The following PPP5C variants were observed in gnomAD, a reference collection of about 807,000 sequenced individuals.
PPP5C encodes the protein protein phosphatase 5 catalytic subunit, also known as serine/threonine-protein phosphatase 5.
Under a neutral mutation model 66.7 loss-of-function variants are expected in PPP5C, and 21 were observed. That is an observed-to-expected ratio of 0.31 (90% confidence interval 0.22 to 0.45). The LOEUF is 0.45. Ranked by LOEUF, PPP5C falls within the 20% of genes least tolerant of loss-of-function variation. The pLI is 1.00. For synonymous variants in PPP5C, 246 were observed against 257.4 expected (o/e 0.96, Z 0.43); for missense variants, 464 against 675.9 (o/e 0.69, Z 3.48).
Position 46,387,104 on chromosome 19 carries a change from A to ACGT in PPP5C, c.917_918insGTC (p.Thr306_Asp307insSer). The stretch of plus-strand genomic sequence containing the variant: ...CCCGTGTTGGCCAGGCAACCACGAG[A>ACGT]CAGACAACATGAACCAGATCTACGG... On this transcript the variant is annotated inframe_insertion, in exon 8 of 13. Transcript: ENST00000012443. 6.2e-7 allele frequency: 1 copy of ACGT among 1,614,268 alleles called. No individual in the cohort carries two copies. Among genetic ancestry groups the ACGT allele is most frequent in the Non-Finnish European group, 8.5e-7 (1 of 1,180,054 alleles).
intron 11 of PPP5C, among the ~76,000 whole-genome samples, chr19:46,389,458 CACAG>C (rs1568580006): frequency 1.5e-5 from 2 of 130,536 alleles, no homozygotes; most frequent in African/African-American, 6.7e-5. Flanking sequence ...CACACACACA[CACAG>C]TGTTGATCCC....
At chr19:46,349,365 A>G (rs1343480686) in intron 1 of PPP5C, among the ~76,000 whole-genome samples, 2 of 152,042 alleles carry the variant, frequency 1.3e-5, no homozygotes, top group African/African-American at 2.4e-5. Flanking sequence ...GTAGAGTCCA[A>G]TAGAGATGGA....
intron 2 of PPP5C, among the ~76,000 whole-genome samples, chr19:46,358,115 G>C (rs1456968439): frequency 7.2e-5 from 11 of 152,146 alleles, no homozygotes; most frequent in African/African-American, 2.7e-4. Flanking sequence ...AGATTCCAAA[G>C]ATTTTAGGAG....
intron 2 of PPP5C, among the ~76,000 whole-genome samples, chr19:46,358,037 C>T (rs565690791): frequency 6.6e-6 from 1 of 152,198 alleles, no homozygotes; most frequent in Non-Finnish European, 1.5e-5. Flanking sequence ...AGCCCCCATC[C>T]TGAAGCTACA....
At chr19:46,359,440 G>T (rs1297725806) in intron 2 of PPP5C, among the ~76,000 whole-genome samples, 2 of 152,194 alleles carry the variant, frequency 1.3e-5, no homozygotes, top group African/African-American at 2.4e-5. Context: ...TAGGGAGCCA[G>T]CTAAAAACAT....
In PPP5C at chr19:46,390,750, C is replaced by T. The variant is rs757446650; in HGVS notation, c.*404C>T. On this transcript the variant is annotated 3_prime_UTR_variant, in exon 13 of 13. Transcript: ENST00000012443. ...CAGGGGGGCCCCGCCTGCGCCTCCC[C>T]TCCTATAGCCCCATGGTGGGGCTAG... 581 of 1,133,826 alleles carry T rather than the reference C, an allele frequency of 5.1e-4. No homozygotes were observed. Among genetic ancestry groups the T allele is most frequent in the Non-Finnish European group, 5.9e-4 (535 of 914,264 alleles). 70.2% of individuals were successfully genotyped at this position (1,133,826 alleles called of 1,614,324 possible).
rs8106745 is a variant in PPP5C, at chr19:46,388,911, T to C, written c.1355+180T>C. On this transcript the variant is annotated intron_variant, in intron 11 of 12. Transcript: ENST00000012443. This position sits in a 1 kb window ranked among gnomAD's most constrained non-coding sequence, Gnocchi z 4.9. ...AGCACCAGTGGGGCCAGCCTGTGAG[T>C]GCTGACCAGCTGCCCTGTGTTACAG... 0.75 allele frequency among the ~76,000 whole-genome samples: 113,605 copies of C among 152,086 alleles called. 42,831 individuals are homozygous for C. The highest frequency in any genetic ancestry group is 0.85 in the South Asian group (4,093 of 4,814).
intron 7 of PPP5C, among the ~76,000 whole-genome samples, chr19:46,385,786 A>AG: frequency 6.6e-6 from 1 of 151,782 alleles, no homozygotes; most frequent in East Asian, 1.9e-4. Flanking sequence ...TCTAAAAAAA[A>AG]AAAAAAAAGC....
Position 46,390,393 on chromosome 19 carries a change from C to G in PPP5C, c.*47C>G. 2.6e-6 allele frequency: 4 copies of G among 1,551,874 alleles called. No individual in the cohort carries two copies. The highest frequency in any genetic ancestry group is 3.5e-6 in the Non-Finnish European group (4 of 1,147,602). On this transcript the variant is annotated 3_prime_UTR_variant, in exon 13 of 13. Transcript: ENST00000012443. ...CATCCCAGGGCCCCTCCAATCCCAC[C>G]GGACCCAGGCCCTGGGCTAGGGGCA...
chr19:46,390,859 C>G lies in PPP5C; in HGVS notation c.*513C>G. 1 of 1,139,486 alleles carries G rather than the reference C, an allele frequency of 8.8e-7. No homozygotes were observed. Among genetic ancestry groups the G allele is most frequent in the Non-Finnish European group, 1.1e-6 (1 of 913,546 alleles). 70.6% of individuals were successfully genotyped at this position (1,139,486 alleles called of 1,614,324 possible). A position where few individuals can be genotyped will look rare whatever the true frequency, so the allele number is the denominator to read the frequency against. The stretch of plus-strand genomic sequence containing the variant: ...AAGTCATTATCGGAAGTCAGCTTGT[C>G]TCTGGATGGTGGAGCCGAAGGAGCT... On this transcript the variant is annotated 3_prime_UTR_variant, in exon 13 of 13. Coordinates refer to ENST00000012443, the MANE Select transcript of PPP5C (RefSeq NM_006247.4).
chr19:46,389,922 C>T (rs1374180104), intron 11 of PPP5C, 129 bp from the exon 12 acceptor site: 7 of 760,614 alleles, frequency 9.2e-6, no homozygotes, highest in East Asian at 7.8e-5. Flanking sequence ...GTCTCTCTGT[C>T]CATCTGTGTC....
At position 46,378,473 on chromosome 19, in the gene PPP5C, AGATG is replaced by A. The variant is rs1437711114; in HGVS notation, c.633+1901_633+1904del. Among the ~76,000 whole-genome samples the A allele has an allele frequency of 1.8e-4, 27 of 152,354 alleles. No homozygotes were observed. The South Asian group carries it at 5.4e-3, about 30-fold the overall frequency. ...GGCTCTATAAATGTCAATTAGTTCA[AGATG>A]GTTGAGACTGCTGTTAAAAATCTTT... On this transcript the variant is annotated intron_variant, in intron 4 of 12. Transcript: ENST00000012443.
Position 46,383,083 on chromosome 19 carries a change from G to A in PPP5C, c.634-328G>A, listed in dbSNP as rs1258113907. On this transcript the variant is annotated intron_variant, in intron 4 of 12. Transcript: ENST00000012443. This position sits in a 1 kb window ranked among gnomAD's most constrained non-coding sequence, Gnocchi z 5.0. ...TTTTATGACAGTGACATTGCGCTGT[G>A]TCCAGGCCAGTTCTTTTATAAAATG... is the stretch of plus-strand genomic sequence containing the variant. 1 of 1,166,866 alleles carries A rather than the reference G, an allele frequency of 8.6e-7. No homozygotes were observed. The highest frequency in any genetic ancestry group is 1.6e-5 in the African/African-American group (1 of 62,852). The allele number at this position is 1,166,866 out of a possible 1,614,324, so 72.3% of individuals were successfully genotyped here.
In PPP5C at chr19:46,390,714, G is replaced by A. The variant is rs1973006616; in HGVS notation, c.*368G>A. On this transcript the variant is annotated 3_prime_UTR_variant, in exon 13 of 13. Transcript: ENST00000012443. ...GCCCCGCCATAGGAAGACCCCCAGAGAGAGGGTCAGCAGGGGGGCCCCGCC... is the reference window on the plus strand; with the variant it reads ...GCCCCGCCATAGGAAGACCCCCAGAAAGAGGGTCAGCAGGGGGGCCCCGCC... 1 of 1,169,970 alleles carries A rather than the reference G, an allele frequency of 8.5e-7. No homozygotes were observed. Among genetic ancestry groups the A allele is most frequent in the East Asian group, 5.3e-5 (1 of 18,842 alleles). 72.5% of individuals were successfully genotyped at this position (1,169,970 alleles called of 1,614,324 possible). A position where few individuals can be genotyped will look rare whatever the true frequency, so the allele number is the denominator to read the frequency against.
chr19:46,381,931 C>T (rs779067254), intron 4 of PPP5C: 1 of 152,102 alleles, frequency 6.6e-6, no homozygotes, highest in Non-Finnish European at 1.5e-5. Context: ...GGATCTTAGC[C>T]CTGGCAGAAT....
chr19:46,387,026 G>A (rs1344244725), intron 7 of PPP5C, 67 bp from the exon 8 acceptor site: 22 of 1,609,324 alleles, frequency 1.4e-5, no homozygotes, highest in Admixed American at 1.2e-4. Context: ...GGCCTTGAGG[G>A]TGCCAGGCTG....
At chr19:46,382,672 T>G in intron 4 of PPP5C, 32 of 426,496 alleles carry the variant, frequency 7.5e-5, no homozygotes, top group South Asian at 9.8e-5. Flanking sequence ...CTAACCCATT[T>G]GAAAGTAAGT....
chr19:46,347,102 G>C lies in PPP5C; in HGVS notation c.6G>C (p.Ala2=), dbSNP rs78074765. 3.7e-4 allele frequency: 592 copies of C among 1,602,040 alleles called. 4 individuals carry two copies. The African/African-American group carries it at 6.8e-3, about 18-fold the overall frequency. Residue 2 remains alanine (A), a synonymous_variant, in exon 1 of 13, where the codon GCG becomes GCC. Transcript: ENST00000012443. The part of the protein sequence containing the change: M[A]MAEGERTECA... ...GGTAGGGGTCGCTTTGCGGCATGGC[G>C]ATGGCGGAGGGCGAGAGGACTGAGT...
intron 1 of PPP5C, among the ~76,000 whole-genome samples, chr19:46,348,133 G>T (rs181049742): frequency 5.3e-5 from 8 of 151,948 alleles, no homozygotes; most frequent in African/African-American, 1.9e-4. Context: ...GAACTGGAGA[G>T]GAGTGTTCCA....
Sources: gnomAD v4.1 joint callset for allele counts (sites outside exome capture counted in the v4.1 genomes callset) on GRCh38, gnomAD v4.1.1 for gene constraint, Gnocchi (gnomAD v3.1) non-coding constraint, MANE v1.5 for transcripts, NCBI Gene and HGNC (gene_info 2026-07-23, HGNC 2026-07-21) for gene names.